NALF1: variants seen among roughly 807,000 people sequenced by gnomAD.
NALF1 encodes the protein family with sequence similarity 155 member A.
A neutral mutation model predicts 48.4 loss-of-function variants in NALF1; 3 were observed. The ratio of observed to expected loss-of-function variants is 0.06; its 90% CI spans 0.03 to 0.16. NALF1 has a LOEUF of 0.16. Ranked by LOEUF, NALF1 falls within the 10% of genes least tolerant of loss-of-function variation. The pLI is 1.00. For missense variants in NALF1, 526 were observed against 571.5 expected, an observed-to-expected ratio of 0.92 and a Z score of 0.81; for synonymous variants, 262 against 245.7, an observed-to-expected ratio of 1.07 and a Z score of -0.62.
chr13:107,258,842 T>C (rs974680294), intron 1 of NALF1, among the ~76,000 whole-genome samples: 3 of 132,146 alleles, frequency 2.3e-5, no homozygotes, highest in African/African-American at 6.3e-5. Context: ...GCTTAAGGAA[T>C]TGAGGATGTT....
intron 1 of NALF1, among the ~76,000 whole-genome samples, chr13:107,224,875 T>A (rs2138818893): frequency 6.6e-6 from 1 of 152,324 alleles, no homozygotes; most frequent in African/African-American, 2.4e-5. Context: ...TAATTTGATA[T>A]TTTTAATGAT....
chr13:107,232,920 C>T (rs1449602946), intron 1 of NALF1, among the ~76,000 whole-genome samples: 7 of 152,208 alleles, frequency 4.6e-5, no homozygotes, highest in Admixed American at 6.5e-5. Context: ...TATGGATACA[C>T]GAACTGAGAC....
intron 1 of NALF1, among the ~76,000 whole-genome samples, chr13:107,337,621 C>A (rs1397469691): frequency 1.3e-5 from 2 of 152,100 alleles, no homozygotes; most frequent in African/African-American, 4.8e-5. Context: ...CCTATGAAAG[C>A]TATTTGAGGC....
rs546864526 is a variant in NALF1 at position 107,866,186 on chromosome 13, G to A, written c.411C>T (p.Asp137=). 35 of 1,603,062 alleles carry A rather than the reference G, an allele frequency of 2.2e-5. No homozygotes were observed. The African/African-American group carries it at 4.4e-4, about 20-fold the overall frequency. ...SSPTLPPSPG[D]GGGGGGKGNR... The stretch of plus-strand genomic sequence containing the variant: ...TGCCCTTGCCGCCGCCGCCGCCGCC[G>A]TCTCCCGGGGAGGGGGGCAGGGTGG... The change falls in exon 1 of 3, where the codon GAC becomes GAT. Residue 137 remains aspartate, a synonymous_variant. Coordinates refer to ENST00000375915, the MANE Select transcript of NALF1 (RefSeq NM_001080396.3). The surrounding 1 kb of genome is among the most constrained non-coding windows in gnomAD (Gnocchi z 4.4).
At chr13:107,709,421 C>T (rs1160457473) in intron 1 of NALF1, among the ~76,000 whole-genome samples, 1 of 152,206 alleles carries the variant, frequency 6.6e-6, no homozygotes, top group African/African-American at 2.4e-5. Flanking sequence ...GTGGATAATT[C>T]ATGACACCCT....
intron 1 of NALF1, among the ~76,000 whole-genome samples, chr13:107,342,066 T>C (rs975906658): frequency 2.0e-5 from 3 of 152,190 alleles, no homozygotes; most frequent in Non-Finnish European, 4.4e-5. Flanking sequence ...AGCAACACAA[T>C]TAGCTTATCA....
Position 107,644,640 on chromosome 13 carries a change from TACATAC to T in NALF1, c.915+221036_915+221041del, listed in dbSNP as rs1180855183. Among the ~76,000 whole-genome samples, 170 of 108,338 alleles carry T rather than the reference TACATAC, an allele frequency of 1.6e-3. 2 individuals are homozygous for T. The highest frequency in any genetic ancestry group is 5.0e-3 in the African/African-American group (157 of 31,352). 71.1% of individuals were successfully genotyped at this position (108,338 alleles called of 152,430 possible). Reference sequence around the variant, plus strand: ...GTGTGTGTGTGTATACATACATACATACATACATATATATATATATATATATGCTTT... The same window carrying T: ...GTGTGTGTGTGTATACATACATACATATATATATATATATATATATGCTTT... On this transcript the variant is annotated intron_variant, in intron 1 of 2. Coordinates refer to ENST00000375915, the MANE Select transcript of NALF1 (RefSeq NM_001080396.3).
chr13:107,417,788 C>A (rs1302013199), intron 1 of NALF1, among the ~76,000 whole-genome samples: 1 of 152,170 alleles, frequency 6.6e-6, no homozygotes, highest in East Asian at 1.9e-4. Context: ...TAGCTGGGCG[C>A]AGTTGCTTAC....
chr13:107,388,376 G>A (rs559813858), intron 1 of NALF1, among the ~76,000 whole-genome samples: 3 of 152,294 alleles, frequency 2.0e-5, no homozygotes, highest in South Asian at 2.1e-4. Context: ...TCTCAACTAG[G>A]TTGGAAACTG....
chr13:107,838,087 G>A (rs143475519), intron 1 of NALF1, among the ~76,000 whole-genome samples: 1 of 152,184 alleles, frequency 6.6e-6, no homozygotes, highest in African/African-American at 2.4e-5. Flanking sequence ...CTCGGCACAA[G>A]AAGTACTTGT....
intron 2 of NALF1, among the ~76,000 whole-genome samples, chr13:107,174,395 C>T (rs530699011): frequency 1.3e-5 from 2 of 151,152 alleles, no homozygotes; most frequent in Admixed American, 6.6e-5. Context: ...CTCGCTCTGT[C>T]GCCAGGCTGG....
At chr13:107,446,229 G>A (rs1460242338) in intron 1 of NALF1, among the ~76,000 whole-genome samples, 8 of 152,096 alleles carry the variant, frequency 5.3e-5, no homozygotes, top group African/African-American at 1.7e-4. Context: ...GAGCCACTGC[G>A]CCCGGCTCAC....
chr13:107,233,983 A>G (rs1012603377), intron 1 of NALF1, among the ~76,000 whole-genome samples: 1 of 152,208 alleles, frequency 6.6e-6, no homozygotes, highest in African/African-American at 2.4e-5. Context: ...TGTACAATTT[A>G]TAGGAGAAAC....
chr13:107,737,211 T>C (rs1490421283), intron 1 of NALF1, among the ~76,000 whole-genome samples: 1 of 152,216 alleles, frequency 6.6e-6, no homozygotes, highest in Non-Finnish European at 1.5e-5. Flanking sequence ...CAGTATTTTA[T>C]GATTATTATT....
At chr13:107,853,239 A>G (rs1359136563) in intron 1 of NALF1, among the ~76,000 whole-genome samples, 1 of 152,204 alleles carries the variant, frequency 6.6e-6, no homozygotes, top group African/African-American at 2.4e-5. Context: ...TAAAGTTGAT[A>G]TTGTGAGAAA....
At chr13:107,480,826 C>T (rs2476773) in intron 1 of NALF1, among the ~76,000 whole-genome samples, 96,767 of 152,046 alleles carry the variant, frequency 0.64, 31,588 homozygotes, top group Middle Eastern at 0.78. Flanking sequence ...AAAGCTCGAA[C>T]GAAGCAATAA....
At chr13:107,622,543 T>C (rs1215470382) in intron 1 of NALF1, among the ~76,000 whole-genome samples, 3 of 151,904 alleles carry the variant, frequency 2.0e-5, no homozygotes, top group African/African-American at 7.3e-5. Flanking sequence ...AATCTGTCTC[T>C]GCTAAATTTT....
At chr13:107,675,899 G>A (rs1436830436) in intron 1 of NALF1, among the ~76,000 whole-genome samples, 1 of 152,118 alleles carries the variant, frequency 6.6e-6, no homozygotes, top group Non-Finnish European at 1.5e-5. Flanking sequence ...AAGGTATGGA[G>A]GAAGGTAAGA....
At chr13:107,752,338 A>G (rs937101323) in intron 1 of NALF1, among the ~76,000 whole-genome samples, 5 of 152,138 alleles carry the variant, frequency 3.3e-5, no homozygotes, top group African/African-American at 1.2e-4. Flanking sequence ...TTGAAATTTT[A>G]AACTATTTAA....
Sources: gnomAD v4.1 joint callset for allele counts (sites outside exome capture counted in the v4.1 genomes callset) on GRCh38, gnomAD v4.1.1 for gene constraint, Gnocchi (gnomAD v3.1) non-coding constraint, MANE v1.5 for transcripts, NCBI Gene and HGNC (gene_info 2026-07-23, HGNC 2026-07-21) for gene names.